Variants in COL12A1 observed in about 807,000 individuals in gnomAD.
COL12A1 encodes collagen type XII alpha 1 chain.
In COL12A1, 114 loss-of-function variants were observed where a neutral mutation model predicts 349.7. The observed-to-expected ratio is 0.33, with a 90% CI of 0.28 to 0.38. The LOEUF (loss-of-function observed/expected upper bound fraction) is 0.38. COL12A1 is among the 10% of genes least tolerant of loss of function. The probability of loss-of-function intolerance (pLI) is 1.00; values close to 1 mark genes in which losing one functional copy is unlikely to be tolerated. For missense variants in COL12A1, 3,284 were observed against 3,756.9 expected, an observed-to-expected ratio of 0.87 and a Z score of 3.29; for synonymous variants, 1,369 against 1,329.0, an observed-to-expected ratio of 1.03 and a Z score of -0.66.
chr6:75,189,976 C>T (rs1413893836), intron 5 of COL12A1, among the ~76,000 whole-genome samples, 161 bp from the exon 6 acceptor site: 1 of 151,960 alleles, frequency 6.6e-6, no homozygotes, highest in Non-Finnish European at 1.5e-5. Flanking sequence ...TACAATTTTA[C>T]TAACAACACA....
chr6:75,137,580 C>G lies in COL12A1; in HGVS notation c.5252-1G>C. 1.9e-6 allele frequency: 3 copies of G among 1,613,458 alleles called. No homozygotes were observed. Among genetic ancestry groups the G allele is most frequent in the Non-Finnish European group, 1.7e-6 (2 of 1,179,750 alleles). On this transcript the variant is annotated splice_acceptor_variant, in intron 30 of 65. Transcript: ENST00000322507. LOFTEE classifies it high-confidence loss of function. ...AGGTTTCGTGGGCCACTTTTGGGAG[C>G]TGAAAGAAGATTGTTGAAAAACTGA...
chr6:75,114,213 G>C (rs569715719), intron 49 of COL12A1, among the ~76,000 whole-genome samples: 6 of 151,704 alleles, frequency 4.0e-5, no homozygotes, highest in Non-Finnish European at 8.9e-5. Flanking sequence ...AATGGCTTAA[G>C]GTTTTAATTT....
rs1769433485 is a variant in COL12A1, at chr6:75,183,443, C to T, written c.1498G>A (p.Val500Ile). The change falls in exon 10 of 66, where the codon GTT becomes ATT. Residue 500 changes from valine to isoleucine, a missense_variant. By Grantham distance (29) the Val-to-Ile change is conservative (BLOSUM62 3). Coordinates refer to ENST00000322507, the MANE Select transcript of COL12A1 (RefSeq NM_004370.6). ...TEFTLKKFTK[V>I]EDIIEAINTF... is the part of the protein sequence containing the mutation. ...TTTATTGCTTCAATTATATCTTCAA[C>T]TTTGGTGAATTTTTTCAAAGTGAAC... 2.5e-6 allele frequency: 4 copies of T among 1,614,198 alleles called. No individual in the cohort carries two copies. The East Asian group carries it at 6.7e-5, about 27-fold the overall frequency.
rs897799506 is a variant in COL12A1 at position 75,154,406 on chromosome 6, A to G, written c.3565+10T>C. The G allele has an allele frequency of 1.2e-6, 2 of 1,608,338 alleles. No homozygotes were observed. The highest frequency in any genetic ancestry group is 2.7e-5 in the African/African-American group (2 of 74,740). On this transcript the variant is annotated intron_variant, in intron 17 of 65. Transcript: ENST00000322507. ...TTGTTTTCCTCAAGGAATGTAACTCAATTTCTTACCAGAAGATAAAATTGG... is the reference window on the plus strand; with the variant it reads ...TTGTTTTCCTCAAGGAATGTAACTCGATTTCTTACCAGAAGATAAAATTGG...
At chr6:75,089,055 G>T (rs1255707111) in intron 64 of COL12A1, 51 bp downstream of exon 64, 3 of 1,261,856 alleles carry the variant, frequency 2.4e-6, no homozygotes, top group Non-Finnish European at 3.4e-6. Flanking sequence ...GGGATGGTGT[G>T]CCCTCTCGGT....
intron 24 of COL12A1, among the ~76,000 whole-genome samples, 153 bp from the exon 25 acceptor site, chr6:75,145,608 T>G (rs934801031): frequency 8.0e-5 from 12 of 149,370 alleles, no homozygotes; most frequent in Admixed American, 4.6e-4. Flanking sequence ...ATGCTGATGT[T>G]TTCTTTTTTT....
intron 47 of COL12A1, 95 bp from the exon 48 acceptor site, chr6:75,116,152 A>G: frequency 8.6e-7 from 1 of 1,162,026 alleles, no homozygotes; most frequent in South Asian, 1.3e-5. Flanking sequence ...TCAAGTAATA[A>G]ATGACATTGT....
chr6:75,191,599 T>C (rs904061490), intron 5 of COL12A1, 102 bp downstream of exon 5: 8 of 641,554 alleles, frequency 1.2e-5, no homozygotes, highest in African/African-American at 7.7e-5. Context: ...TATAAATTAA[T>C]ATAGGAATAA....
Position 75,165,615 on chromosome 6 carries a change from G to A in COL12A1, c.2875C>T (p.His959Tyr). The A allele has an allele frequency of 6.2e-7, 1 of 1,613,940 alleles. No individual in the cohort carries two copies. The highest frequency in any genetic ancestry group is 2.2e-5 in the East Asian group (1 of 44,868). The change falls in exon 14 of 66, where the codon CAT becomes TAT. Residue 959 changes from histidine (H) to tyrosine (Y), a missense_variant. Transcript: ENST00000322507. Reference protein sequence around the residue: ...GEKNLPEDAIHTMIENLQPET... With the variant: ...GEKNLPEDAIYTMIENLQPET... Reference sequence around the variant, plus strand: ...GGCTGCAGATTTTCTATCATCGTATGAATTGCATCTTCAGGCAGATTTTTC... The same window carrying A: ...GGCTGCAGATTTTCTATCATCGTATAAATTGCATCTTCAGGCAGATTTTTC...
rs148607577 is a variant in COL12A1, at chr6:75,184,985, C to A, written c.998-841G>T. Among the ~76,000 whole-genome samples the A allele has an allele frequency of 1.1e-4, 17 of 152,218 alleles. No homozygotes were observed. The East Asian group carries it at 3.3e-3, about 29-fold the overall frequency. On this transcript the variant is annotated intron_variant, in intron 8 of 65. Transcript: ENST00000322507. ...TTTACACATCGCCTCCTCAAAAAAG[C>A]AACCAGATGTAGGACATAAAAGTGA...
chr6:75,182,963 G>T, intron 10 of COL12A1, 87 bp downstream of exon 10: 1 of 1,456,144 alleles, frequency 6.9e-7, no homozygotes, highest in Middle Eastern at 2.1e-4. Context: ...TCTATAAGAA[G>T]AATTGAACAA....
chr6:75,176,441 G>A (rs1394005072), intron 12 of COL12A1, among the ~76,000 whole-genome samples: 1 of 151,312 alleles, frequency 6.6e-6, no homozygotes, highest in Admixed American at 6.6e-5. Context: ...GCAGTGGGAG[G>A]GAGGGCAGTG....
Position 75,188,439 on chromosome 6 carries a change from T to G in COL12A1, c.920A>C (p.Asp307Ala). The stretch of plus-strand genomic sequence containing the variant: ...CTGGGAGATGATCTCATTCTGAATA[T>G]CCACAATTGCATCAAAGTTGGCCAC... The part of the protein sequence containing the change: ...FNVANFDAIV[D>A]IQNEIISQVC... The change falls in exon 8 of 66, where the codon GAT becomes GCT. Residue 307 changes from aspartate to alanine, a missense_variant. Transcript: ENST00000322507. 6.2e-7 allele frequency: 1 copy of G among 1,613,670 alleles called. No individual in the cohort carries two copies. The highest frequency in any genetic ancestry group is 8.5e-7 in the Non-Finnish European group (1 of 1,179,680).
chr6:75,117,175 A>C (rs1398581758), intron 47 of COL12A1, among the ~76,000 whole-genome samples: 1 of 152,184 alleles, frequency 6.6e-6, no homozygotes, highest in Non-Finnish European at 1.5e-5. Flanking sequence ...CACACAAGGA[A>C]ATTACATATT....
At chr6:75,169,078 C>G (rs1375258966) in intron 13 of COL12A1, among the ~76,000 whole-genome samples, 1 of 152,096 alleles carries the variant, frequency 6.6e-6, no homozygotes, top group Non-Finnish European at 1.5e-5. Flanking sequence ...CATCTTGTCT[C>G]GACAGGAAAT....
intron 40 of COL12A1, 91 bp from the exon 41 acceptor site, chr6:75,124,462 G>A: frequency 5.3e-6 from 5 of 942,174 alleles, no homozygotes; most frequent in East Asian, 5.6e-5. Flanking sequence ...CTTTCACTGT[G>A]GCTAAAAAAA....
At chr6:75,125,367 GA>G in intron 39 of COL12A1, 94 bp from the exon 40 acceptor site, 1 of 1,203,170 alleles carries the variant, frequency 8.3e-7, no homozygotes, top group South Asian at 1.7e-5. Context: ...AGGGTATTAT[GA>G]ACACGATTAA....
At chr6:75,142,305 G>A in intron 26 of COL12A1, 144 bp from the exon 27 acceptor site, 1 of 919,342 alleles carries the variant, frequency 1.1e-6, no homozygotes, top group South Asian at 1.9e-5. Flanking sequence ...TGAGAATCCA[G>A]AAACTGGACA....
chr6:75,148,371 C>T lies in COL12A1; in HGVS notation c.4274G>A (p.Gly1425Glu), dbSNP rs753940320. The stretch of plus-strand genomic sequence containing the variant: ...GTTCCTACTCACTTCTTGACGTTTC[C>T]CTCCAGAAACTGGATAGTATTCCAC... ...YKVEYYPVSG[G>E]KRQEFYVSRM... Residue 1425 changes from glycine to glutamate, a missense_variant, in exon 22 of 66, where the codon GGG becomes GAG. By Grantham distance (98) the Gly-to-Glu change is moderately conservative (BLOSUM62 -2). Transcript: ENST00000322507. The T allele has an allele frequency of 1.9e-6, 3 of 1,612,320 alleles. No individual in the cohort carries two copies. Among genetic ancestry groups the T allele is most frequent in the Non-Finnish European group, 1.7e-6 (2 of 1,179,040 alleles).
Sources: gnomAD v4.1 joint callset for allele counts (sites outside exome capture counted in the v4.1 genomes callset) on GRCh38, gnomAD v4.1.1 for gene constraint, MANE v1.5 for transcripts, NCBI Gene and HGNC (gene_info 2026-07-23, HGNC 2026-07-21) for gene names.